Variants in RIC8B observed in about 807,000 individuals in gnomAD.
RIC8B encodes the protein chaperone Ric-8B.
A neutral mutation model predicts 57.5 loss-of-function variants in RIC8B; 16 were observed. The ratio of observed to expected loss-of-function variants is 0.28; its 90% CI spans 0.19 to 0.42. The LOEUF is 0.42. RIC8B is among the 10% of genes least tolerant of loss of function. The probability of loss-of-function intolerance (pLI) is 1.00; values close to 1 mark genes in which losing one functional copy is unlikely to be tolerated. For missense variants in RIC8B, 481 were observed against 677.0 expected (o/e 0.71, Z 3.21); for synonymous variants, 216 against 250.8 (o/e 0.86, Z 1.31).
At chr12:106,789,034 T>G (rs1227438382) in intron 2 of RIC8B, among the ~76,000 whole-genome samples, 3 of 152,190 alleles carry the variant, frequency 2.0e-5, no homozygotes, top group Non-Finnish European at 4.4e-5. Context: ...CCAAGTCACC[T>G]CTTGAATGTG....
At chr12:106,798,181 C>A (rs1053057231) in intron 2 of RIC8B, 3 of 519,272 alleles carry the variant, frequency 5.8e-6, no homozygotes, top group Admixed American at 7.4e-5. Flanking sequence ...TTTTTGTTGT[C>A]AAAAATGTAA....
chr12:106,817,591 G>A (rs989089841), intron 3 of RIC8B, among the ~76,000 whole-genome samples: 4 of 152,028 alleles, frequency 2.6e-5, no homozygotes, highest in Admixed American at 6.6e-5. Context: ...AGGCCGAGGC[G>A]GGGAGATCAC....
chr12:106,832,462 G>A (rs976626255), intron 4 of RIC8B, among the ~76,000 whole-genome samples: 2 of 151,894 alleles, frequency 1.3e-5, no homozygotes, highest in Admixed American at 6.6e-5. Flanking sequence ...AGTTACTCAG[G>A]AGGCTGAGGC....
intron 1 of RIC8B, among the ~76,000 whole-genome samples, chr12:106,782,263 C>T (rs1304393693): frequency 6.6e-6 from 1 of 152,100 alleles, no homozygotes; most frequent in Non-Finnish European, 1.5e-5. Flanking sequence ...ATTATTCTCT[C>T]CTTCTAGATC....
intron 9 of RIC8B, among the ~76,000 whole-genome samples, chr12:106,881,979 G>A (rs1225984530): frequency 6.6e-6 from 1 of 152,172 alleles, no homozygotes; most frequent in African/African-American, 2.4e-5. Flanking sequence ...AAAGAAAGCA[G>A]GGCTCTCTGC....
rs137871976 is a variant in RIC8B, at chr12:106,782,174, G to A, written c.85-1823G>A. ...AATACTGTCACATGCATAACATTCC[G>A]TCAGTCTCCTGTTGGTTATTCCAGT... On this transcript the variant is annotated intron_variant, in intron 1 of 9. Transcript: ENST00000392837. 2.6e-3 allele frequency among the ~76,000 whole-genome samples: 398 copies of A among 152,092 alleles called. 2 individuals are homozygous for A. Among genetic ancestry groups the A allele is most frequent in the African/African-American group, 8.8e-3 (367 of 41,486 alleles).
intron 9 of RIC8B, among the ~76,000 whole-genome samples, chr12:106,882,591 C>T (rs774521839): frequency 1.3e-5 from 2 of 152,098 alleles, no homozygotes; most frequent in African/African-American, 4.8e-5. Context: ...CGGAAGCTTG[C>T]CCAAGATCAC....
intron 2 of RIC8B, among the ~76,000 whole-genome samples, chr12:106,809,893 T>G (rs2045254005): frequency 6.6e-6 from 1 of 152,052 alleles, no homozygotes; most frequent in Non-Finnish European, 1.5e-5. Flanking sequence ...TATTGGTAAC[T>G]GTAATTGACC....
chr12:106,825,404 A>G (rs996498767), intron 3 of RIC8B, among the ~76,000 whole-genome samples: 2 of 152,222 alleles, frequency 1.3e-5, no homozygotes, highest in African/African-American at 4.8e-5. Context: ...AAACTTTTAT[A>G]ATGGTTAGTA....
chr12:106,814,248 A>T (rs1165840390), intron 2 of RIC8B, among the ~76,000 whole-genome samples: 1 of 152,138 alleles, frequency 6.6e-6, no homozygotes, highest in Non-Finnish European at 1.5e-5. Flanking sequence ...ATAATTTTTT[A>T]TCAGTTTGTC....
chr12:106,850,452 G>A (rs1270061434), intron 6 of RIC8B, among the ~76,000 whole-genome samples: 1 of 152,226 alleles, frequency 6.6e-6, no homozygotes, highest in Non-Finnish European at 1.5e-5. Context: ...CAATGAGATA[G>A]GAGGAGGACC....
chr12:106,881,884 C>T (rs926619022), intron 9 of RIC8B, among the ~76,000 whole-genome samples: 4 of 152,316 alleles, frequency 2.6e-5, no homozygotes, highest in Middle Eastern at 3.4e-3. Context: ...AAATGATCCT[C>T]TCCTTCTACT....
chr12:106,818,281 C>T (rs1261398055), intron 3 of RIC8B, among the ~76,000 whole-genome samples: 1 of 151,976 alleles, frequency 6.6e-6, no homozygotes, highest in Non-Finnish European at 1.5e-5. Flanking sequence ...ATTCTCCTGC[C>T]TCAGCCTCTG....
At chr12:106,796,979 A>G (rs2044514027) in intron 2 of RIC8B, among the ~76,000 whole-genome samples, 1 of 152,252 alleles carries the variant, frequency 6.6e-6, no homozygotes, top group South Asian at 2.1e-4. Context: ...ATATCAATTC[A>G]TACCCACTAG....
At chr12:106,855,145 A>G (rs1949665680) in intron 7 of RIC8B, among the ~76,000 whole-genome samples, 1 of 152,206 alleles carries the variant, frequency 6.6e-6, no homozygotes, top group South Asian at 2.1e-4. Context: ...ATTATGATGT[A>G]GGGGCTGAAT....
In RIC8B at chr12:106,823,499, G is replaced by A. The variant is rs1466424138; in HGVS notation, c.742-2227G>A. ...CTGCAAATAATGGAAAGACCAAATG[G>A]ATAGATTTCCAAAAGTCTGTCAACA... On this transcript the variant is annotated intron_variant, in intron 3 of 9. Transcript: ENST00000392837. 6.6e-6 allele frequency: 3 copies of A among 453,700 alleles called. No individual in the cohort carries two copies. In the East Asian group the frequency reaches 2.1e-4, roughly 32 times the overall value. The allele number at this position is 453,700 out of a possible 1,614,324, so 28.1% of individuals were successfully genotyped here.
chr12:106,783,078 C>A (rs1437102651), intron 1 of RIC8B, among the ~76,000 whole-genome samples: 1 of 152,162 alleles, frequency 6.6e-6, no homozygotes, highest in East Asian at 1.9e-4. Flanking sequence ...CTTCTATTCC[C>A]CTCTACTTCA....
chr12:106,808,180 G>A (rs2045147139), intron 2 of RIC8B, among the ~76,000 whole-genome samples: 1 of 151,842 alleles, frequency 6.6e-6, no homozygotes, highest in African/African-American at 2.4e-5. Context: ...AATTTACATA[G>A]CATTTATGTT....
chr12:106,843,213 A>G (rs1301300333), intron 5 of RIC8B, among the ~76,000 whole-genome samples: 5 of 152,192 alleles, frequency 3.3e-5, no homozygotes, highest in African/African-American at 1.2e-4. Flanking sequence ...AGACCTTGTC[A>G]ATTTCCCATT....
Sources: gnomAD v4.1 joint callset for allele counts (sites outside exome capture counted in the v4.1 genomes callset) on GRCh38, gnomAD v4.1.1 for gene constraint, MANE v1.5 for transcripts, NCBI Gene and HGNC (gene_info 2026-07-23, HGNC 2026-07-21) for gene names.